The following ZSWIM6 variants were observed in gnomAD, a reference collection of about 807,000 sequenced individuals.
ZSWIM6 encodes the protein zinc finger SWIM domain-containing protein 6.
A neutral mutation model predicts 113.2 loss-of-function variants in ZSWIM6; 9 were observed. That is an observed-to-expected ratio of 0.08 (90% confidence interval 0.05 to 0.14). The LOEUF is 0.14. ZSWIM6 is among the 10% of genes least tolerant of loss of function. The pLI, the probability that ZSWIM6 is intolerant of heterozygous loss-of-function variation, is 1.00. For missense variants in ZSWIM6, 1,162 were observed against 1,552.2 expected (o/e 0.75, Z 4.22); for synonymous variants, 611 against 606.5 (o/e 1.01, Z -0.11).
intron 1 of ZSWIM6, among the ~76,000 whole-genome samples, chr5:61,341,873 CTTTTTTTTTTTTT>C (rs35227918): frequency 1.1e-5 from 1 of 94,704 alleles, no homozygotes; most frequent in Admixed American, 1.3e-4. Context: ...TCTCTGTAAC[CTTTTTTTTTTTTT>C]TTTTTTTTTT....
At chr5:61,538,108 C>G (rs1350909445) in intron 10 of ZSWIM6, among the ~76,000 whole-genome samples, 1 of 152,104 alleles carries the variant, frequency 6.6e-6, no homozygotes, top group African/African-American at 2.4e-5. Context: ...TTTGTAGAAA[C>G]AGGGTTTCGC....
At chr5:61,520,120 G>A (rs1296318512) in intron 4 of ZSWIM6, among the ~76,000 whole-genome samples, 2 of 152,252 alleles carry the variant, frequency 1.3e-5, no homozygotes, top group African/African-American at 2.4e-5. Context: ...GGGGACCCCC[G>A]CCCTAATGGA....
chr5:61,467,712 T>C (rs1357270447), intron 1 of ZSWIM6, among the ~76,000 whole-genome samples: 2 of 152,164 alleles, frequency 1.3e-5, no homozygotes, highest in Admixed American at 6.5e-5. Context: ...TAACACTCTT[T>C]TACAAAATCA....
At chr5:61,518,166 AT>A (rs1749009816) in intron 4 of ZSWIM6, among the ~76,000 whole-genome samples, 1 of 151,570 alleles carries the variant, frequency 6.6e-6, no homozygotes, top group Non-Finnish European at 1.5e-5. Flanking sequence ...TATGTGCCAC[AT>A]TTTCTTAATC....
chr5:61,363,725 T>G (rs1396552032), intron 1 of ZSWIM6, among the ~76,000 whole-genome samples: 1 of 152,176 alleles, frequency 6.6e-6, no homozygotes, highest in African/African-American at 2.4e-5. Flanking sequence ...TAAAATATGT[T>G]TAAAGGTTAT....
chr5:61,362,945 C>T (rs1378588757), intron 1 of ZSWIM6, among the ~76,000 whole-genome samples: 3 of 152,204 alleles, frequency 2.0e-5, no homozygotes, highest in Non-Finnish European at 4.4e-5. Context: ...CTAAAACATG[C>T]CATGCTTGCT....
chr5:61,477,632 C>G (rs1416844705), intron 2 of ZSWIM6, among the ~76,000 whole-genome samples: 1 of 152,174 alleles, frequency 6.6e-6, no homozygotes, highest in African/African-American at 2.4e-5. Flanking sequence ...CTCTGAGTGC[C>G]TTTGTGTCCT....
At position 61,352,310 on chromosome 5, in the gene ZSWIM6, T is replaced by C. The variant is rs542126808; in HGVS notation, c.676+19362T>C. Among the ~76,000 whole-genome samples the C allele has an allele frequency of 4.6e-5, 7 of 152,376 alleles. No individual in the cohort carries two copies. In the South Asian group the frequency reaches 1.2e-3, roughly 27 times the overall value. On this transcript the variant is annotated intron_variant, in intron 1 of 13. Transcript: ENST00000252744. ...TGGATTGTCCTCTCCCATGAGATTG[T>C]AGGCTCCAGGAGAGCAGAAACTGTA...
intron 1 of ZSWIM6, among the ~76,000 whole-genome samples, chr5:61,380,319 G>A (rs1256970793): frequency 6.6e-5 from 10 of 152,050 alleles, no homozygotes; most frequent in Admixed American, 5.2e-4. Flanking sequence ...CAGGTGATCC[G>A]CCTGCCTCGG....
intron 1 of ZSWIM6, among the ~76,000 whole-genome samples, chr5:61,417,251 AG>A (rs1469435500): frequency 6.6e-6 from 1 of 152,250 alleles, no homozygotes; most frequent in East Asian, 1.9e-4. Context: ...GAGTTCACAA[AG>A]GAGTTCACTG....
intron 1 of ZSWIM6, among the ~76,000 whole-genome samples, chr5:61,450,789 G>A (rs560093245): frequency 6.6e-6 from 1 of 152,252 alleles, no homozygotes; most frequent in African/African-American, 2.4e-5. Flanking sequence ...CTTGTGGCAG[G>A]GATAAGCCCG....
intron 1 of ZSWIM6, among the ~76,000 whole-genome samples, chr5:61,400,303 G>C (rs1009106176): frequency 1.3e-5 from 2 of 152,108 alleles, no homozygotes; most frequent in African/African-American, 4.8e-5. Flanking sequence ...CAAAAGCTCT[G>C]TCTGCCCTCC....
At chr5:61,490,264 C>T (rs1340755670) in intron 2 of ZSWIM6, among the ~76,000 whole-genome samples, 1 of 152,026 alleles carries the variant, frequency 6.6e-6, no homozygotes, top group Non-Finnish European at 1.5e-5. Context: ...TGCCTGTTCC[C>T]ATGTGGCTTG....
At chr5:61,463,015 T>C (rs962821026) in intron 1 of ZSWIM6, among the ~76,000 whole-genome samples, 4 of 152,214 alleles carry the variant, frequency 2.6e-5, no homozygotes, top group African/African-American at 9.7e-5. Flanking sequence ...CCTATATATT[T>C]TTTTCATTAA....
chr5:61,531,986 C>G (rs1749447782), intron 9 of ZSWIM6, among the ~76,000 whole-genome samples: 1 of 152,154 alleles, frequency 6.6e-6, no homozygotes, highest in Non-Finnish European at 1.5e-5. Flanking sequence ...ATGCCTCAAA[C>G]CTTGAAAAGA....
At chr5:61,366,374 T>C (rs1329881805) in intron 1 of ZSWIM6, among the ~76,000 whole-genome samples, 1 of 152,218 alleles carries the variant, frequency 6.6e-6, no homozygotes. Context: ...CAAGACCAAG[T>C]TTATGTGTAG....
At chr5:61,392,133 G>A (rs150829328) in intron 1 of ZSWIM6, among the ~76,000 whole-genome samples, 7 of 152,238 alleles carry the variant, frequency 4.6e-5, no homozygotes, top group African/African-American at 1.7e-4. Flanking sequence ...ATATCTTTAT[G>A]TATAGATACT....
intron 1 of ZSWIM6, among the ~76,000 whole-genome samples, chr5:61,436,603 A>C (rs770436090): frequency 1.3e-5 from 2 of 152,216 alleles, no homozygotes; most frequent in Non-Finnish European, 2.9e-5. Context: ...TCATGCTCAC[A>C]TGTTTTCACA....
chr5:61,389,085 G>T (rs571284676), intron 1 of ZSWIM6, among the ~76,000 whole-genome samples: 2 of 152,114 alleles, frequency 1.3e-5, no homozygotes, highest in African/African-American at 4.8e-5. Flanking sequence ...AAGTTACCAC[G>T]TGCCAGTGGA....
Sources: allele counts gnomAD v4.1 joint callset (sites outside exome capture counted in the v4.1 genomes callset), GRCh38; gene constraint gnomAD v4.1.1; transcripts MANE v1.5; gene names NCBI Gene and HGNC (gene_info 2026-07-23, HGNC 2026-07-21).